AGMO: variants seen among roughly 807,000 people sequenced by gnomAD.
The protein encoded by AGMO is glyceryl-ether monooxygenase.
In AGMO, 75 loss-of-function variants were observed where a neutral mutation model predicts 60.2. The observed-to-expected ratio is 1.25, with a 90% CI of 1.03 to 1.51. AGMO has a LOEUF of 1.51. AGMO is among the 40% of genes most tolerant of loss of function. The pLI, the probability that AGMO is intolerant of heterozygous loss-of-function variation, is 0.00. For synonymous variants in AGMO, 261 were observed against 177.1 expected (o/e 1.47, Z -3.76); for missense variants, 763 against 525.5 (o/e 1.45, Z -4.42).
At chr7:15,418,408 C>G (rs4469360) in intron 5 of AGMO, 150 bp downstream of exon 5, 406,795 of 581,916 alleles carry the variant, frequency 0.7, 144,922 homozygotes, top group Middle Eastern at 0.77. Flanking sequence ...TATATATTCA[C>G]TAAAAACGAA....
chr7:15,519,815 T>A (rs1783930408), intron 3 of AGMO, among the ~76,000 whole-genome samples: 1 of 151,848 alleles, frequency 6.6e-6, no homozygotes. Context: ...AATATTAACC[T>A]TAAATATAAA....
Position 15,205,000 on chromosome 7 carries a change from G to A in AGMO, c.1264-3641C>T, listed in dbSNP as rs528954771. Among the ~76,000 whole-genome samples the A allele has an allele frequency of 5.9e-5, 9 of 152,228 alleles. No individual in the cohort carries two copies. In the South Asian group the frequency reaches 1.7e-3, roughly 28 times the overall value. ...TCATCTCACCCAGGTTTATGTCTGT[G>A]TTTTGAGAGGCCTTATTCAAAATGG... On this transcript the variant is annotated intron_variant, in intron 12 of 12. Coordinates refer to ENST00000342526, the MANE Select transcript of AGMO (RefSeq NM_001004320.2).
At chr7:15,366,512 C>G (rs138764126) in intron 10 of AGMO, among the ~76,000 whole-genome samples, 62 of 152,132 alleles carry the variant, frequency 4.1e-4, no homozygotes, top group African/African-American at 1.4e-3. Flanking sequence ...TTTTTTGAAG[C>G]ATGTGAGTCC....
At chr7:15,404,070 A>C (rs1243161358) in intron 5 of AGMO, among the ~76,000 whole-genome samples, 1 of 151,942 alleles carries the variant, frequency 6.6e-6, no homozygotes, top group Non-Finnish European at 1.5e-5. Flanking sequence ...GTGAAAAAAC[A>C]ATATTTATAG....
At chr7:15,549,341 T>G (rs2115293222) in intron 2 of AGMO, among the ~76,000 whole-genome samples, 1 of 151,850 alleles carries the variant, frequency 6.6e-6, no homozygotes, top group South Asian at 2.1e-4. Context: ...GTAAATGGAC[T>G]AAATGCTCCA....
intron 12 of AGMO, among the ~76,000 whole-genome samples, chr7:15,354,131 G>A (rs1467776571): frequency 6.6e-6 from 1 of 151,606 alleles, no homozygotes; most frequent in East Asian, 2.0e-4. Context: ...AATACAGGAA[G>A]AGGACAATGT....
At chr7:15,410,635 G>A (rs910198880) in intron 5 of AGMO, among the ~76,000 whole-genome samples, 1 of 151,748 alleles carries the variant, frequency 6.6e-6, no homozygotes, top group Non-Finnish European at 1.5e-5. Flanking sequence ...AGTAAAACAG[G>A]TATCTATATT....
Position 15,203,457 on chromosome 7 carries a change from T to C in AGMO, c.1264-2098A>G, listed in dbSNP as rs201577491. 7.2e-5 allele frequency among the ~76,000 whole-genome samples: 11 copies of C among 152,234 alleles called. No individual in the cohort carries two copies. In the East Asian group the frequency reaches 2.1e-3, roughly 29 times the overall value. ...AATGCTTTCAAATTCCTACCGAAAA[T>C]GCAGTACTGAAGTTAGCAGTCTTAT... On this transcript the variant is annotated intron_variant, in intron 12 of 12. Coordinates refer to ENST00000342526, the MANE Select transcript of AGMO (RefSeq NM_001004320.2).
At chr7:15,234,142 T>C (rs1782345862) in intron 12 of AGMO, among the ~76,000 whole-genome samples, 1 of 151,978 alleles carries the variant, frequency 6.6e-6, no homozygotes, top group African/African-American at 2.4e-5. Flanking sequence ...CTTCCGAAAA[T>C]GAGATTAAAT....
At chr7:15,329,364 T>C (rs142523052) in intron 12 of AGMO, among the ~76,000 whole-genome samples, 23 of 152,270 alleles carry the variant, frequency 1.5e-4, no homozygotes, top group African/African-American at 4.6e-4. Context: ...ACATAGGTGA[T>C]GAGGAGCACC....
At chr7:15,330,871 A>T (rs1358443060) in intron 12 of AGMO, among the ~76,000 whole-genome samples, 2 of 151,914 alleles carry the variant, frequency 1.3e-5, no homozygotes, top group Non-Finnish European at 2.9e-5. Context: ...GGTCTTAATG[A>T]TCTATATTTT....
At chr7:15,177,178 G>A in the AGMO span, among the ~76,000 whole-genome samples, 2 of 151,844 alleles carry the variant, frequency 1.3e-5, no homozygotes, top group African/African-American at 2.4e-5. Flanking sequence ...GAAATTAAAG[G>A]GCATAGCTAC....
At position 15,483,570 on chromosome 7, in the gene AGMO, A is replaced by AAAAC. The variant is rs3076838; in HGVS notation, c.410-52466_410-52463dup. 3.8e-3 allele frequency among the ~76,000 whole-genome samples: 565 copies of AAAAC among 148,882 alleles called. 4 individuals are homozygous for AAAAC. Among genetic ancestry groups the AAAAC allele is most frequent in the South Asian group, 0.015 (72 of 4,770 alleles). On this transcript the variant is annotated intron_variant, in intron 3 of 12. Transcript: ENST00000342526. The stretch of plus-strand genomic sequence containing the variant: ...GGGTGACAGAGCAAGACTCTGTCTC[A>AAAAC]AAACAAACAAACAAACAAACAAACA...
At chr7:15,238,883 T>C (rs1347699548) in intron 12 of AGMO, among the ~76,000 whole-genome samples, 2 of 152,154 alleles carry the variant, frequency 1.3e-5, no homozygotes, top group East Asian at 3.8e-4. Context: ...CTTTTAATAA[T>C]ATGTACCCCC....
At chr7:15,187,755 C>T in the AGMO span, among the ~76,000 whole-genome samples, 5 of 152,106 alleles carry the variant, frequency 3.3e-5, no homozygotes, top group East Asian at 9.6e-4. Context: ...AGCTCATTCA[C>T]CATGCAAGTA....
At chr7:15,241,438 C>G (rs1045969940) in intron 12 of AGMO, among the ~76,000 whole-genome samples, 1 of 111,674 alleles carries the variant, frequency 9.0e-6, no homozygotes, top group Admixed American at 1.4e-4. Context: ...CCAGCTTGGG[C>G]GAAAGAGTGA....
intron 5 of AGMO, among the ~76,000 whole-genome samples, chr7:15,397,669 A>T (rs1784449049): frequency 6.6e-6 from 1 of 151,952 alleles, no homozygotes; most frequent in South Asian, 2.1e-4. Flanking sequence ...GCTATCCACT[A>T]TTTTTAAAGT....
At chr7:15,476,936 G>C (rs985163019) in intron 3 of AGMO, among the ~76,000 whole-genome samples, 1 of 151,996 alleles carries the variant, frequency 6.6e-6, no homozygotes, top group Non-Finnish European at 1.5e-5. Context: ...TCTAGAATTT[G>C]AATTCTAGCA....
chr7:15,192,740 G>A, the AGMO span, among the ~76,000 whole-genome samples: 3 of 152,082 alleles, frequency 2.0e-5, no homozygotes, highest in Non-Finnish European at 4.4e-5. Flanking sequence ...GCGCCCAAAA[G>A]TGCCCGCCCT....
Sources: allele counts gnomAD v4.1 joint callset (sites outside exome capture counted in the v4.1 genomes callset), GRCh38; gene constraint gnomAD v4.1.1; transcripts MANE v1.5; gene names NCBI Gene and HGNC (gene_info 2026-07-23, HGNC 2026-07-21).